The following CEP112 variants were observed in gnomAD, a reference collection of about 807,000 sequenced individuals.
CEP112 encodes centrosomal protein of 112 kDa.
In CEP112, 127 loss-of-function variants were observed where a neutral mutation model predicts 153.0. The ratio of observed to expected loss-of-function variants is 0.83; its 90% CI spans 0.72 to 0.96. The LOEUF (loss-of-function observed/expected upper bound fraction) is 0.96. CEP112 is among the 40% of genes least tolerant of loss of function. The probability of loss-of-function intolerance (pLI) is 0.00; values close to 1 mark genes in which losing one functional copy is unlikely to be tolerated. For missense variants in CEP112, 1,089 were observed against 1,101.2 expected, an observed-to-expected ratio of 0.99 and a Z score of 0.16; for synonymous variants, 358 against 374.4, an observed-to-expected ratio of 0.96 and a Z score of 0.51.
At chr17:65,653,386 T>C (rs1457272609) in intron 24 of CEP112, among the ~76,000 whole-genome samples, 1 of 152,212 alleles carries the variant, frequency 6.6e-6, no homozygotes, top group Non-Finnish European at 1.5e-5. Context: ...ATTCAGAAAC[T>C]GTTCTTTGAA....
In CEP112 at chr17:66,118,818, T is replaced by C. The variant is rs2069429075; in HGVS notation, c.642+10928A>G. ...CACATGGTATGCTTGTATCAAAATA[T>C]CACATCCCCATAAATATGAACTAAT... On this transcript the variant is annotated intron_variant, in intron 6 of 26. Coordinates refer to ENST00000535342, the MANE Select transcript of CEP112 (RefSeq NM_001199165.4). Among the ~76,000 whole-genome samples, 6 of 152,242 alleles carry C rather than the reference T, an allele frequency of 3.9e-5. No individual in the cohort carries two copies. In the South Asian group the frequency reaches 1.2e-3, roughly 32 times the overall value.
intron 4 of CEP112, among the ~76,000 whole-genome samples, chr17:66,150,419 C>T (rs757408201): frequency 4.6e-5 from 7 of 151,868 alleles, no homozygotes; most frequent in Admixed American, 6.6e-5. Context: ...CTAGTAGAGA[C>T]GGGGTTTCAC....
chr17:66,153,840 C>G (rs1300917073), intron 4 of CEP112, among the ~76,000 whole-genome samples: 1 of 151,892 alleles, frequency 6.6e-6, no homozygotes, highest in Non-Finnish European at 1.5e-5. Flanking sequence ...AGAAAAAACC[C>G]ACACAAACAA....
intron 20 of CEP112, among the ~76,000 whole-genome samples, chr17:65,874,746 A>G (rs2146534014): frequency 6.6e-6 from 1 of 152,216 alleles, no homozygotes; most frequent in East Asian, 1.9e-4. Flanking sequence ...TTCTTACAGC[A>G]TGCTTCCTAA....
chr17:66,079,629 CT>C (rs923101613), intron 8 of CEP112, among the ~76,000 whole-genome samples: 2 of 151,922 alleles, frequency 1.3e-5, no homozygotes, highest in Non-Finnish European at 2.9e-5. Flanking sequence ...CTACCATTGA[CT>C]TTTTTTTCAC....
intron 24 of CEP112, among the ~76,000 whole-genome samples, chr17:65,653,438 T>C (rs1221189492): frequency 6.6e-6 from 1 of 152,086 alleles, no homozygotes; most frequent in Non-Finnish European, 1.5e-5. Flanking sequence ...TGAGTTTGAC[T>C]GGTGGGTAGA....
chr17:66,116,713 A>T (rs1652036408), intron 6 of CEP112, among the ~76,000 whole-genome samples: 2 of 152,280 alleles, frequency 1.3e-5, no homozygotes, highest in African/African-American at 4.8e-5. Flanking sequence ...TCAGTTTTAT[A>T]ACTATCCCAT....
intron 21 of CEP112, among the ~76,000 whole-genome samples, chr17:65,767,517 G>C (rs1367510768): frequency 1.4e-5 from 2 of 138,784 alleles, no homozygotes; most frequent in Non-Finnish European, 3.0e-5. Flanking sequence ...CAGAAGGAAG[G>C]AAATTAATAA....
intron 21 of CEP112, among the ~76,000 whole-genome samples, chr17:65,829,741 A>T (rs2057001544): frequency 6.6e-6 from 1 of 152,206 alleles, no homozygotes; most frequent in Admixed American, 6.5e-5. Context: ...AATGATATTC[A>T]ATAATTAAAG....
chr17:66,014,505 C>A (rs1048558228), intron 16 of CEP112, among the ~76,000 whole-genome samples: 2 of 152,120 alleles, frequency 1.3e-5, no homozygotes, highest in African/African-American at 4.8e-5. Flanking sequence ...CCCGGCCATG[C>A]CCCCCTGCAA....
chr17:65,996,064 A>G (rs6504386), intron 17 of CEP112, among the ~76,000 whole-genome samples: 88,628 of 151,586 alleles, frequency 0.58, 27,334 homozygotes, highest in African/African-American at 0.73. Flanking sequence ...GCCTAATACA[A>G]TTCCTAAATA....
intron 24 of CEP112, chr17:65,644,249 A>C: frequency 3.2e-6 from 2 of 618,760 alleles, no homozygotes; most frequent in East Asian, 5.5e-5. Context: ...TGTTTCTTAC[A>C]TCCTTATCTG....
intron 12 of CEP112, among the ~76,000 whole-genome samples, chr17:66,036,259 G>A (rs187491714): frequency 3.0e-4 from 46 of 152,178 alleles, no homozygotes; most frequent in African/African-American, 9.6e-4. Flanking sequence ...TTTTAGTCAC[G>A]CAAGACAAAA....
intron 18 of CEP112, among the ~76,000 whole-genome samples, chr17:65,933,500 A>T (rs143669124): frequency 1.3e-5 from 2 of 152,184 alleles, no homozygotes. Flanking sequence ...CTCAGCAGAA[A>T]CCCTGCATGC....
intron 20 of CEP112, among the ~76,000 whole-genome samples, chr17:65,890,521 A>C (rs1303645892): frequency 6.6e-6 from 1 of 152,084 alleles, no homozygotes; most frequent in South Asian, 2.1e-4. Context: ...CTTGGGATCA[A>C]AGCTTCATTA....
chr17:65,777,559 C>T (rs563043304), intron 21 of CEP112, among the ~76,000 whole-genome samples: 2 of 152,218 alleles, frequency 1.3e-5, no homozygotes, highest in East Asian at 1.9e-4. Context: ...TACCCACACC[C>T]TACACACCAA....
At chr17:66,005,641 A>T in intron 17 of CEP112, 49 bp downstream of exon 17, 3 of 1,574,650 alleles carry the variant, frequency 1.9e-6, no homozygotes, top group Non-Finnish European at 1.7e-6. Flanking sequence ...TTTGGCTCAC[A>T]GTTTAATAAA....
At chr17:65,821,514 TTATATATATA>T (rs570389723) in intron 21 of CEP112, among the ~76,000 whole-genome samples, 19 of 50,182 alleles carry the variant, frequency 3.8e-4, no homozygotes, top group East Asian at 1.8e-3. Flanking sequence ...ATATATATAA[TTATATATATA>T]TATATATATA....
chr17:65,673,221 C>T (rs940979537), intron 24 of CEP112, among the ~76,000 whole-genome samples: 7 of 152,150 alleles, frequency 4.6e-5, no homozygotes, highest in African/African-American at 1.4e-4. Flanking sequence ...CTGTGAGCTG[C>T]GCGTCCCTCT....
Sources: allele counts gnomAD v4.1 joint callset (sites outside exome capture counted in the v4.1 genomes callset), GRCh38; gene constraint gnomAD v4.1.1; transcripts MANE v1.5; gene names NCBI Gene and HGNC (gene_info 2026-07-23, HGNC 2026-07-21).